ROBO2: variants seen among roughly 807,000 people sequenced by gnomAD.
ROBO2 encodes roundabout homolog 2.
Under a neutral mutation model 160.8 loss-of-function variants are expected in ROBO2, and 53 were observed. That is an observed-to-expected ratio of 0.33 (90% confidence interval 0.26 to 0.41). The LOEUF (loss-of-function observed/expected upper bound fraction) is 0.41. Ranked by LOEUF, ROBO2 falls within the 10% of genes least tolerant of loss-of-function variation. ROBO2 has a pLI of 1.00. For synonymous variants in ROBO2, 664 were observed against 611.7 expected, an observed-to-expected ratio of 1.09 and a Z score of -1.26; for missense variants, 1,577 against 1,722.4, an observed-to-expected ratio of 0.92 and a Z score of 1.49.
At chr3:76,588,021 T>C (rs1344881666) in intron 2 of ROBO2, among the ~76,000 whole-genome samples, 1 of 152,176 alleles carries the variant, frequency 6.6e-6, no homozygotes, top group Non-Finnish European at 1.5e-5. Flanking sequence ...ACTTATTGTG[T>C]GTTATATTTA....
At chr3:77,001,136 C>G (rs960964633) in intron 2 of ROBO2, among the ~76,000 whole-genome samples, 2 of 152,128 alleles carry the variant, frequency 1.3e-5, no homozygotes, top group African/African-American at 4.8e-5. Context: ...ACTTCTTTCT[C>G]CCTCTAAAAT....
chr3:77,140,769 A>G (rs909236224), intron 2 of ROBO2, among the ~76,000 whole-genome samples: 2 of 152,208 alleles, frequency 1.3e-5, no homozygotes, highest in African/African-American at 4.8e-5. Flanking sequence ...CTTTCTTTAT[A>G]TAATCAAACA....
intron 2 of ROBO2, among the ~76,000 whole-genome samples, chr3:76,643,692 A>G (rs1336249532): frequency 6.6e-6 from 1 of 152,176 alleles, no homozygotes; most frequent in African/African-American, 2.4e-5. Context: ...AAAATACACT[A>G]TAGGAAAATG....
intron 2 of ROBO2, among the ~76,000 whole-genome samples, chr3:76,978,616 A>G (rs2059925094): frequency 1.3e-5 from 2 of 152,172 alleles, no homozygotes; most frequent in Admixed American, 1.3e-4. Context: ...GCAGTATTAT[A>G]AAGGACATTC....
chr3:77,637,975 G>A (rs2095291858), intron 24 of ROBO2, among the ~76,000 whole-genome samples: 1 of 152,124 alleles, frequency 6.6e-6, no homozygotes, highest in African/African-American at 2.4e-5. Flanking sequence ...TATGGATTAT[G>A]TGTTATTAGA....
At chr3:76,094,809 T>G (rs2108119455) in intron 2 of ROBO2, among the ~76,000 whole-genome samples, 1 of 152,294 alleles carries the variant, frequency 6.6e-6, no homozygotes, top group Non-Finnish European at 1.5e-5. Context: ...AGAATACAGC[T>G]TTCAGGTTAC....
intron 2 of ROBO2, among the ~76,000 whole-genome samples, chr3:76,456,692 T>C (rs1368165206): frequency 6.6e-6 from 1 of 152,158 alleles, no homozygotes; most frequent in African/African-American, 2.4e-5. Context: ...CTTGACCAAT[T>C]TGAATAGCCT....
At chr3:76,199,936 C>T (rs1005130721) in intron 2 of ROBO2, among the ~76,000 whole-genome samples, 19 of 152,156 alleles carry the variant, frequency 1.2e-4, no homozygotes, top group African/African-American at 4.6e-4. Flanking sequence ...CTGACTGTCT[C>T]TGTATAGCAA....
chr3:76,546,747 G>A (rs915209503), intron 2 of ROBO2, among the ~76,000 whole-genome samples: 2 of 151,820 alleles, frequency 1.3e-5, no homozygotes, highest in Non-Finnish European at 2.9e-5. Flanking sequence ...GTGTTTGACA[G>A]TAAATTATTT....
intron 2 of ROBO2, among the ~76,000 whole-genome samples, chr3:76,615,831 C>A (rs138927650): frequency 6.6e-6 from 1 of 152,134 alleles, no homozygotes; most frequent in Admixed American, 6.5e-5. Flanking sequence ...TCATCACTTT[C>A]GAGGCTCACA....
At chr3:76,655,103 T>C (rs990577695) in intron 2 of ROBO2, among the ~76,000 whole-genome samples, 2 of 150,806 alleles carry the variant, frequency 1.3e-5, no homozygotes, top group South Asian at 2.1e-4. Flanking sequence ...ATTTTATGAA[T>C]AGTATGGCTG....
chr3:76,803,596 ACTTAT>A (rs1302345298), intron 2 of ROBO2, among the ~76,000 whole-genome samples: 2 of 151,946 alleles, frequency 1.3e-5, no homozygotes, highest in African/African-American at 2.4e-5. Flanking sequence ...ACACATACAA[ACTTAT>A]CTTTCTCTAC....
chr3:76,545,558 T>C (rs898112488), intron 2 of ROBO2, among the ~76,000 whole-genome samples: 3 of 151,996 alleles, frequency 2.0e-5, no homozygotes, highest in Non-Finnish European at 4.4e-5. Context: ...TTAATGATTC[T>C]AACATTGTTA....
At chr3:76,145,696 AT>A (rs891989370) in intron 2 of ROBO2, among the ~76,000 whole-genome samples, 2 of 151,964 alleles carry the variant, frequency 1.3e-5, no homozygotes, top group Non-Finnish European at 2.9e-5. Flanking sequence ...TCGATTTTTT[AT>A]TTCTATATAT....
chr3:77,062,177 A>G (rs1269394219), intron 1 of ROBO2, among the ~76,000 whole-genome samples: 1 of 152,124 alleles, frequency 6.6e-6, no homozygotes, highest in Non-Finnish European at 1.5e-5. Context: ...CCAAAATTCT[A>G]CATTATATTT....
At chr3:76,571,607 A>G (rs1255540784) in intron 2 of ROBO2, among the ~76,000 whole-genome samples, 3 of 152,150 alleles carry the variant, frequency 2.0e-5, no homozygotes, top group Non-Finnish European at 2.9e-5. Context: ...GGAGTTAGGT[A>G]ATAACATACA....
chr3:75,915,124 A>T (rs1300284540), intron 1 of ROBO2, among the ~76,000 whole-genome samples: 1 of 152,220 alleles, frequency 6.6e-6, no homozygotes. Context: ...AGGATGATAA[A>T]TGATGTTGTT....
At chr3:76,688,771 C>T (rs191357248) in intron 2 of ROBO2, among the ~76,000 whole-genome samples, 1 of 151,930 alleles carries the variant, frequency 6.6e-6, no homozygotes, top group African/African-American at 2.4e-5. Flanking sequence ...TTTAAAACTC[C>T]GCAGCTTTAT....
chr3:76,758,640 T>G (rs1041542480), intron 2 of ROBO2, among the ~76,000 whole-genome samples: 2 of 151,792 alleles, frequency 1.3e-5, no homozygotes, highest in African/African-American at 4.8e-5. Context: ...GCTGTAATGG[T>G]TATCCCACCT....
Sources: gnomAD v4.1 joint callset for allele counts (sites outside exome capture counted in the v4.1 genomes callset) on GRCh38, gnomAD v4.1.1 for gene constraint, MANE v1.5 for transcripts, NCBI Gene and HGNC (gene_info 2026-07-23, HGNC 2026-07-21) for gene names.